The following PRKD2 variants were observed in gnomAD, a reference collection of about 807,000 sequenced individuals.
The protein encoded by PRKD2 is serine/threonine-protein kinase D2.
PRKD2 carries 22 observed loss-of-function variants against 86.0 expected under a neutral mutation model. The observed-to-expected ratio is 0.26, with a 90% confidence interval of 0.18 to 0.37. The LOEUF (loss-of-function observed/expected upper bound fraction) is 0.37. Among genes scored for constraint, PRKD2 ranks in the 10% least tolerant of loss-of-function variants. The probability of loss-of-function intolerance (pLI) is 1.00; values close to 1 mark genes in which losing one functional copy is unlikely to be tolerated. For synonymous variants in PRKD2, 509 were observed against 510.9 expected, an observed-to-expected ratio of 1.00 and a Z score of 0.05; for missense variants, 818 against 1,199.2, an observed-to-expected ratio of 0.68 and a Z score of 4.70.
In PRKD2 at chr19:46,674,635, G is replaced by C. The variant is rs1051465175; in HGVS notation, c.2525C>G (p.Ala842Gly). The C allele has an allele frequency of 6.2e-7, 1 of 1,608,150 alleles. No individual in the cohort carries two copies. The change falls in exon 18 of 18, where the codon GCA (alanine) becomes GGA (glycine). Residue 842 changes from alanine (A) to glycine (G), a missense_variant. Coordinates refer to ENST00000291281, the MANE Select transcript of PRKD2 (RefSeq NM_016457.5). Reference sequence around the variant, plus strand: ...CCCAGACCCAGGCAGCGGATGCTCTGCTGCAAACTGCTCCCAGCGCGCGTC... The same window carrying C: ...CCCAGACCCAGGCAGCGGATGCTCTCCTGCAAACTGCTCCCAGCGCGCGTC... ...SDDARWEQFA[A>G]EHPLPGSGLP... is the part of the protein sequence containing the mutation.
chr19:46,695,886 A>T (rs993685821), intron 9 of PRKD2, among the ~76,000 whole-genome samples: 7 of 151,978 alleles, frequency 4.6e-5, no homozygotes, highest in African/African-American at 1.7e-4. Flanking sequence ...TTGCCCAGGC[A>T]GGAGTGCAGT....
rs1295372970 is a variant in PRKD2 at position 46,697,862 on chromosome 19, G to A, written c.1122-12C>T. On this transcript the variant is annotated splice_polypyrimidine_tract_variant and intron_variant, in intron 7 of 17. Coordinates refer to ENST00000291281, the MANE Select transcript of PRKD2 (RefSeq NM_016457.5). ...TGTACCCCAGGGAGCTGCGAAGGAA[G>A]AGGAAGGGGTGAGAAGTCACATGCA... 2 of 1,601,842 alleles carry A rather than the reference G, an allele frequency of 1.2e-6. No individual in the cohort carries two copies. The highest frequency in any genetic ancestry group is 1.7e-6 in the Non-Finnish European group (2 of 1,169,230).
Position 46,714,881 on chromosome 19 carries a change from G to A in PRKD2, c.241-880C>T, listed in dbSNP as rs538734648. On this transcript the variant is annotated intron_variant, in intron 1 of 17. Coordinates refer to ENST00000291281, the MANE Select transcript of PRKD2 (RefSeq NM_016457.5). The stretch of plus-strand genomic sequence containing the variant: ...GGGCAAAACCCTATCAGTTCTCACT[G>A]CTAAGAGAGAGTCCACAGAAGACCA... 3.3e-5 allele frequency among the ~76,000 whole-genome samples: 5 copies of A among 152,320 alleles called. No homozygotes were observed. The South Asian group carries it at 1.0e-3, about 32-fold the overall frequency.
Position 46,678,735 on chromosome 19 carries a change from A to AC in PRKD2, c.2071-73dup. Reference sequence around the variant, plus strand: ...CCCACCCCAGCATCCCCACCACACCACCCTCCATGGTATTCCAGAGAAAGC... The same window carrying AC: ...CCCACCCCAGCATCCCCACCACACCACCCCTCCATGGTATTCCAGAGAAAGC... On this transcript the variant is annotated intron_variant, in intron 15 of 17. Transcript: ENST00000291281. The surrounding 1 kb of genome is among the most constrained non-coding windows in gnomAD (Gnocchi z 5.7). 2 of 1,490,240 alleles carry AC rather than the reference A, an allele frequency of 1.3e-6. No individual in the cohort carries two copies. The highest frequency in any genetic ancestry group is 4.7e-5 in the East Asian group (2 of 42,744). 92.3% of individuals were successfully genotyped at this position (1,490,240 alleles called of 1,614,324 possible). A position where few individuals can be genotyped will look rare whatever the true frequency, so the allele number is the denominator to read the frequency against.
In PRKD2 at chr19:46,711,462, C is replaced by T. The variant is rs551503602; in HGVS notation, c.380-424G>A. Among the ~76,000 whole-genome samples, 7 of 150,448 alleles carry T rather than the reference C, an allele frequency of 4.7e-5. No individual in the cohort carries two copies. In the East Asian group the frequency reaches 7.9e-4, roughly 17 times the overall value. Reference sequence around the variant, plus strand: ...AGGCTGGAGTACAGTAGTGAGATCTCGGCTCACCACAAGTCCGCCTCCCGG... The same window carrying T: ...AGGCTGGAGTACAGTAGTGAGATCTTGGCTCACCACAAGTCCGCCTCCCGG... On this transcript the variant is annotated intron_variant, in intron 2 of 17. Transcript: ENST00000291281.
rs1452183314 is a variant in PRKD2 at position 46,713,924 on chromosome 19, C to T, written c.318G>A (p.Leu106=). The T allele has an allele frequency of 9.9e-6, 16 of 1,613,334 alleles. No individual in the cohort carries two copies. The highest frequency in any genetic ancestry group is 1.7e-5 in the Admixed American group (1 of 59,980). ...FKHDPTSANL[L]QLVRSSGDIQ... Reference sequence around the variant, plus strand: ...TGTCTCCGGACGAGCGCACCAGCTGCAGGAGGTTGGCCGACGTGGGGTCAT... The same window carrying T: ...TGTCTCCGGACGAGCGCACCAGCTGTAGGAGGTTGGCCGACGTGGGGTCAT... The change falls in exon 2 of 18, where the codon CTG becomes CTA. Residue 106 remains leucine (L), a synonymous_variant. Coordinates refer to ENST00000291281, the MANE Select transcript of PRKD2 (RefSeq NM_016457.5).
chr19:46,694,904 C>G (rs537182299), intron 9 of PRKD2, among the ~76,000 whole-genome samples: 1 of 151,720 alleles, frequency 6.6e-6, no homozygotes, highest in Non-Finnish European at 1.5e-5. Flanking sequence ...GACCCCAGCT[C>G]TACAAAAAAT....
intron 16 of PRKD2, among the ~76,000 whole-genome samples, chr19:46,676,653 T>G (rs944731724): frequency 6.6e-6 from 1 of 152,236 alleles, no homozygotes; most frequent in African/African-American, 2.4e-5. Context: ...ACAGGCACCC[T>G]GCTCCCGTCA....
At chr19:46,689,789 G>T in intron 13 of PRKD2, 91 bp from the exon 14 acceptor site, 1 of 1,448,052 alleles carries the variant, frequency 6.9e-7, no homozygotes, top group Non-Finnish European at 9.5e-7. Flanking sequence ...TGACAAACAA[G>T]GAGAAGGATG....
At chr19:46,684,560 T>C (rs2053366215) in intron 14 of PRKD2, among the ~76,000 whole-genome samples, 1 of 152,160 alleles carries the variant, frequency 6.6e-6, no homozygotes, top group Admixed American at 6.6e-5. Context: ...TGACCTCAGG[T>C]GATCCATCTG....
In PRKD2 at chr19:46,714,012, G is replaced by A. The variant is rs1209284354; in HGVS notation, c.241-11C>T. ...GCCACACTCAGGGAACTGAGGGGCG[G>A]GAGAGGGATGTGGCGACGGAAAAGC... On this transcript the variant is annotated splice_polypyrimidine_tract_variant and intron_variant, in intron 1 of 17. Coordinates refer to ENST00000291281, the MANE Select transcript of PRKD2 (RefSeq NM_016457.5). The A allele has an allele frequency of 6.2e-7, 1 of 1,612,184 alleles. No individual in the cohort carries two copies. The highest frequency in any genetic ancestry group is 8.5e-7 in the Non-Finnish European group (1 of 1,178,930).
chr19:46,713,558 A>C (rs1305626320), intron 2 of PRKD2, among the ~76,000 whole-genome samples: 1 of 152,070 alleles, frequency 6.6e-6, no homozygotes, highest in African/African-American at 2.4e-5. Context: ...ACCAGTCCCT[A>C]AAGAGCGCCT....
intron 9 of PRKD2, among the ~76,000 whole-genome samples, chr19:46,695,828 C>A (rs915329151): frequency 2.0e-5 from 3 of 151,908 alleles, no homozygotes; most frequent in Non-Finnish European, 4.4e-5. Flanking sequence ...GTGAGGACAG[C>A]ATTATATTTT....
chr19:46,698,434 C>T (rs1315643346), intron 7 of PRKD2, among the ~76,000 whole-genome samples: 3 of 152,226 alleles, frequency 2.0e-5, no homozygotes, highest in African/African-American at 7.2e-5. Context: ...CTAACCTCTT[C>T]ATGCCTCAGT....
intron 8 of PRKD2, chr19:46,697,484 C>T (rs1017347029): frequency 1.0e-5 from 6 of 587,480 alleles, no homozygotes; most frequent in Admixed American, 6.3e-5. Context: ...TCCAGCCAAG[C>T]TCCTCCCCTA....
Position 46,674,721 on chromosome 19 carries a change from C to T in PRKD2, c.2439G>A (p.Trp813Ter). 1 of 1,604,698 alleles carries T rather than the reference C, an allele frequency of 6.2e-7. No individual in the cohort carries two copies. The change falls in exon 18 of 18, where the codon TGG becomes TGA. Residue 813 changes from tryptophan (W) to a stop codon, truncating the protein, a stop_gained. Transcript: ENST00000291281. LOFTEE classifies it low-confidence loss of function (END_TRUNC). Reference protein sequence around the residue: ...SHPWLQEYQTWLDLRELEGKM... With the variant: ...SHPWLQEYQT ...TCCCCTCCAGCTCTCGGAGGTCCAG[C>T]CACGTCTGGTACTCCTGGGCCCGAG...
At chr19:46,708,214 AATGCAACTAT>A (rs1248612206) in intron 3 of PRKD2, among the ~76,000 whole-genome samples, 1 of 151,976 alleles carries the variant, frequency 6.6e-6, no homozygotes, top group African/African-American at 2.4e-5. Flanking sequence ...CCTAACCTCC[AATGCAACTAT>A]ATCTGGAGAC....
At chr19:46,708,972 G>GTTT (rs1363680607) in intron 3 of PRKD2, among the ~76,000 whole-genome samples, 16 of 136,358 alleles carry the variant, frequency 1.2e-4, no homozygotes, top group South Asian at 2.2e-4. Flanking sequence ...TTTGTTTGTG[G>GTTT]TTTTTTTTTT....
chr19:46,680,571 G>A (rs768534767), intron 15 of PRKD2, among the ~76,000 whole-genome samples: 7 of 152,078 alleles, frequency 4.6e-5, no homozygotes, highest in Non-Finnish European at 1.0e-4. Flanking sequence ...TTATAGGCAT[G>A]AGCCGCTGCG....
Sources: gnomAD v4.1 joint callset for allele counts (sites outside exome capture counted in the v4.1 genomes callset) on GRCh38, gnomAD v4.1.1 for gene constraint, Gnocchi (gnomAD v3.1) non-coding constraint, MANE v1.5 for transcripts, NCBI Gene and HGNC (gene_info 2026-07-23, HGNC 2026-07-21) for gene names.